The following HYDIN variants were observed in gnomAD, a reference collection of about 807,000 sequenced individuals.
HYDIN encodes HYDIN axonemal central pair apparatus protein.
A neutral mutation model predicts 403.9 loss-of-function variants in HYDIN; 132 were observed. That is an observed-to-expected ratio of 0.33 (90% CI 0.28 to 0.38). HYDIN has a LOEUF of 0.38. Ranked by LOEUF, HYDIN falls within the 10% of genes least tolerant of loss-of-function variation. The pLI is 1.00. For synonymous variants in HYDIN, 1,202 were observed against 1,891.7 expected, an observed-to-expected ratio of 0.64 and a Z score of 9.46; for missense variants, 2,827 against 5,009.5, an observed-to-expected ratio of 0.56 and a Z score of 13.15.
chr16:70,868,722 T>G lies in HYDIN; in HGVS notation c.11158A>C (p.Asn3720His), dbSNP rs1256166784. 1 of 1,614,084 alleles carries G rather than the reference T, an allele frequency of 6.2e-7. No homozygotes were observed. The highest frequency in any genetic ancestry group is 8.5e-7 in the Non-Finnish European group (1 of 1,180,014). ...VVTMKSDVPI[N>H]LKNMRIRCKL... is the part of the protein sequence containing the mutation. ...CACCTGATCCGCATATTCTTTAGGT[T>G]GATGGGTACATCTGACTTCATGGTC... The change falls in exon 66 of 86, where the codon AAC becomes CAC. Residue 3720 changes from asparagine to histidine, a missense_variant. Coordinates refer to ENST00000393567, the MANE Select transcript of HYDIN (RefSeq NM_001270974.2).
chr16:70,897,622 G>A (rs1295160673), intron 53 of HYDIN, among the ~76,000 whole-genome samples: 1 of 143,904 alleles, frequency 6.9e-6, no homozygotes, highest in Admixed American at 6.7e-5. Flanking sequence ...GTGGGTCGGA[G>A]GCAGTGGGGA....
chr16:71,204,537 T>C (rs1262365751), intron 1 of HYDIN, among the ~76,000 whole-genome samples: 1 of 152,240 alleles, frequency 6.6e-6, no homozygotes, highest in African/African-American at 2.4e-5. Context: ...ACTTGTTAAA[T>C]GCTGCATGTC....
Position 70,992,172 on chromosome 16 carries a change from A to G in HYDIN, c.3683T>C (p.Val1228Ala). Residue 1228 changes from valine to alanine, a missense_variant, in exon 24 of 86, where the codon GTG becomes GCG. Val to Ala is a moderately conservative substitution (Grantham distance 64, BLOSUM62 0). Transcript: ENST00000393567. ...TLPKKPYSAPVSQMESIPATS... is the reference protein window; with the variant it reads ...TLPKKPYSAPASQMESIPATS... ...TGCTGGGATGGACTCCATCTGGGACACTGGGGCACTGTAGGGCTTCTTCGG... is the reference window on the plus strand; with the variant it reads ...TGCTGGGATGGACTCCATCTGGGACGCTGGGGCACTGTAGGGCTTCTTCGG... 6.2e-7 allele frequency: 1 copy of G among 1,609,542 alleles called. No homozygotes were observed. The highest frequency in any genetic ancestry group is 8.5e-7 in the Non-Finnish European group (1 of 1,178,094).
chr16:71,225,070 C>G (rs936562085), intron 1 of HYDIN, among the ~76,000 whole-genome samples: 11 of 152,128 alleles, frequency 7.2e-5, no homozygotes, highest in East Asian at 1.9e-4. Flanking sequence ...TAAAATCTGG[C>G]AAGACGAACA....
intron 11 of HYDIN, chr16:71,090,511 T>C (rs1381263164): frequency 6.6e-6 from 1 of 152,262 alleles, no homozygotes; most frequent in African/African-American, 2.4e-5. Context: ...TGTTTTTTGT[T>C]TTTTAAGAGA....
intron 5 of HYDIN, among the ~76,000 whole-genome samples, chr16:71,169,014 C>G (rs2086356738): frequency 6.6e-6 from 1 of 152,078 alleles, no homozygotes; most frequent in Non-Finnish European, 1.5e-5. Flanking sequence ...GGTATATATC[C>G]AAAGGAAATG....
chr16:70,913,175 G>C (rs1333878561), intron 47 of HYDIN, among the ~76,000 whole-genome samples: 1 of 150,402 alleles, frequency 6.6e-6, no homozygotes, highest in Non-Finnish European at 1.5e-5. Flanking sequence ...TCTTCTGCTG[G>C]GTTTGGGTTT....
intron 9 of HYDIN, among the ~76,000 whole-genome samples, chr16:71,125,321 T>C (rs2084412037): frequency 6.6e-6 from 1 of 152,148 alleles, no homozygotes; most frequent in Non-Finnish European, 1.5e-5. Flanking sequence ...GCCAAATTTT[T>C]TGGATATCTA....
At chr16:71,032,301 CTTTTTG>C (rs2080941830) in intron 18 of HYDIN, among the ~76,000 whole-genome samples, 1 of 119,476 alleles carries the variant, frequency 8.4e-6, no homozygotes, top group Non-Finnish European at 1.8e-5. Context: ...TTTATTTTTC[CTTTTTG>C]TTTTTTTTTT....
chr16:71,025,085 C>G (rs1276522204), intron 21 of HYDIN, among the ~76,000 whole-genome samples: 3 of 152,066 alleles, frequency 2.0e-5, no homozygotes, highest in Non-Finnish European at 4.4e-5. Flanking sequence ...GTTTATTTTA[C>G]CTGATTAAAG....
At chr16:71,081,179 C>G (rs2082775186) in intron 12 of HYDIN, among the ~76,000 whole-genome samples, 1 of 152,112 alleles carries the variant, frequency 6.6e-6, no homozygotes, top group Non-Finnish European at 1.5e-5. Context: ...ACCTTCAGAG[C>G]AATAATATTT....
At chr16:71,136,623 C>A (rs1303860870) in intron 8 of HYDIN, among the ~76,000 whole-genome samples, 1 of 142,118 alleles carries the variant, frequency 7.0e-6, no homozygotes, top group Non-Finnish European at 1.5e-5. Context: ...AAAAATTAGC[C>A]GGGCGTGGTG....
intron 18 of HYDIN, among the ~76,000 whole-genome samples, chr16:71,055,171 G>C (rs1463593882): frequency 1.3e-5 from 2 of 152,308 alleles, no homozygotes; most frequent in Non-Finnish European, 1.5e-5. Context: ...GGTAAAGTTA[G>C]GCGGTTCATT....
At position 70,883,978 on chromosome 16, in the gene HYDIN, G is replaced by A. The variant is rs377034315; in HGVS notation, c.9921C>T (p.Asp3307=). 158 of 1,614,016 alleles carry A rather than the reference G, an allele frequency of 9.8e-5. No individual in the cohort carries two copies. The highest frequency in any genetic ancestry group is 1.5e-4 in the Admixed American group (9 of 60,002). Reference sequence around the variant, plus strand: ...GAATGCCGGCAGGGTGGACTGCAGGGTCTCGGCCGGAGATATCGATGGCTA... The same window carrying A: ...GAATGCCGGCAGGGTGGACTGCAGGATCTCGGCCGGAGATATCGATGGCTA... ...EFIAIDISGR[D]PAVHPAGILY... Residue 3307 remains aspartate (D), a synonymous_variant, in exon 59 of 86, where the codon GAC becomes GAT. Coordinates refer to ENST00000393567, the MANE Select transcript of HYDIN (RefSeq NM_001270974.2).
rs893535022 is a variant in HYDIN, at chr16:70,802,692, T to G, written c.*4888A>C. ...AAACTGTGAGATAATAAATTTGTGTTGTTTTGCTCTCCTAGTTTTGTGGTA... is the reference window on the plus strand; with the variant it reads ...AAACTGTGAGATAATAAATTTGTGTGGTTTTGCTCTCCTAGTTTTGTGGTA... On this transcript the variant is annotated 3_prime_UTR_variant, in exon 86 of 86. Transcript: ENST00000393567. 6.6e-6 allele frequency: 1 copy of G among 152,182 alleles called. No homozygotes were observed. Among genetic ancestry groups the G allele is most frequent in the African/African-American group, 2.4e-5 (1 of 41,434 alleles). 9.4% of individuals were successfully genotyped at this position (152,182 alleles called of 1,614,324 possible). A position where few individuals can be genotyped will look rare whatever the true frequency, so the allele number is the denominator to read the frequency against.
intron 19 of HYDIN, among the ~76,000 whole-genome samples, chr16:71,030,435 C>T (rs1023104436): frequency 7.8e-5 from 10 of 128,458 alleles, no homozygotes; most frequent in Non-Finnish European, 8.6e-5. Context: ...TCTTTTCTTT[C>T]TTTTTTTTTT....
At chr16:71,106,168 CCT>C (rs10549453) in intron 10 of HYDIN, among the ~76,000 whole-genome samples, 23,442 of 143,968 alleles carry the variant, frequency 0.16, 5,053 homozygotes, top group African/African-American at 0.5. Flanking sequence ...TCCCTCCCTC[CCT>C]CTCTCTCTCT....
intron 25 of HYDIN, among the ~76,000 whole-genome samples, chr16:70,990,764 T>C (rs1194995144): frequency 2.6e-5 from 4 of 152,206 alleles, no homozygotes; most frequent in Admixed American, 1.3e-4. Flanking sequence ...GGATAATTTC[T>C]AGAAGGGGGA....
chr16:70,826,314 T>C (rs901146104), intron 83 of HYDIN, among the ~76,000 whole-genome samples: 2 of 149,422 alleles, frequency 1.3e-5, no homozygotes, highest in Non-Finnish European at 3.0e-5. Context: ...TTGTAACTTA[T>C]TAGTAATCTC....
Sources: gnomAD v4.1 joint callset for allele counts (sites outside exome capture counted in the v4.1 genomes callset) on GRCh38, gnomAD v4.1.1 for gene constraint, MANE v1.5 for transcripts, NCBI Gene and HGNC (gene_info 2026-07-23, HGNC 2026-07-21) for gene names.